Variants in COPG1 observed in about 807,000 individuals in gnomAD.
COPG1 encodes the protein coat protein complex I subunit gamma 1.
Under a neutral mutation model 102.8 loss-of-function variants are expected in COPG1, and 29 were observed. The observed-to-expected ratio is 0.28, with a 90% CI of 0.21 to 0.38. The LOEUF (loss-of-function observed/expected upper bound fraction) is 0.38. Ranked by LOEUF, COPG1 falls within the 10% of genes least tolerant of loss-of-function variation. The pLI is 1.00. For missense variants in COPG1, 875 were observed against 1,132.7 expected, an observed-to-expected ratio of 0.77 and a Z score of 3.27; for synonymous variants, 406 against 421.6, an observed-to-expected ratio of 0.96 and a Z score of 0.45.
intron 10 of COPG1, among the ~76,000 whole-genome samples, chr3:129,258,456 G>GT (rs970900072): frequency 4.5e-4 from 69 of 152,300 alleles, no homozygotes; most frequent in African/African-American, 1.6e-3. Context: ...GCCGTTTGCT[G>GT]TTTTTTGTTT....
intron 13 of COPG1, 40 bp from the exon 14 acceptor site, chr3:129,265,509 A>G: frequency 6.2e-7 from 1 of 1,606,180 alleles, no homozygotes; most frequent in Non-Finnish European, 8.5e-7. Flanking sequence ...TCTTTTCTGG[A>G]GAGAGCAGGC....
At chr3:129,262,863 A>T (rs1222953697) in intron 12 of COPG1, among the ~76,000 whole-genome samples, 1 of 151,794 alleles carries the variant, frequency 6.6e-6, no homozygotes, top group Admixed American at 6.6e-5. Context: ...TACTAAAAAA[A>T]TTAAAAAATT....
chr3:129,251,457 A>G (rs538164421), intron 2 of COPG1, among the ~76,000 whole-genome samples: 1 of 150,900 alleles, frequency 6.6e-6, no homozygotes, highest in African/African-American at 2.4e-5. Context: ...TCTCGGCTCA[A>G]CTGCAACCTC....
intron 14 of COPG1, among the ~76,000 whole-genome samples, chr3:129,266,377 C>T (rs191880030): frequency 6.1e-4 from 93 of 152,234 alleles, no homozygotes; most frequent in African/African-American, 2.0e-3. Flanking sequence ...TATCCTCCTG[C>T]CTCAGTCTCT....
rs4927953 is a variant in COPG1, at chr3:129,252,270, T to C, written c.91-11T>C. The C allele has an allele frequency of 0.12, 194,923 of 1,577,132 alleles. 19,285 individuals carry two copies. The highest frequency in any genetic ancestry group is 0.53 in the African/African-American group (39,003 of 73,680). On this transcript the variant is annotated splice_polypyrimidine_tract_variant and intron_variant, in intron 2 of 23. Transcript: ENST00000314797. ...GGCTAGAAGGTAACATCTTTGGTCA[T>C]TTCTTCTTAGGCCCGTGTATTTAAT... is the stretch of plus-strand genomic sequence containing the variant.
At chr3:129,259,402 A>G (rs1312423523) in intron 10 of COPG1, among the ~76,000 whole-genome samples, 4 of 149,720 alleles carry the variant, frequency 2.7e-5, no homozygotes, top group Admixed American at 6.7e-5. Flanking sequence ...TGGAGGTTGC[A>G]GTGAGCCGAG....
At chr3:129,259,795 C>T (rs1456187742) in intron 10 of COPG1, among the ~76,000 whole-genome samples, 3 of 152,136 alleles carry the variant, frequency 2.0e-5, no homozygotes, top group Non-Finnish European at 4.4e-5. Flanking sequence ...GGAAATAAAC[C>T]ATTTGTTTAA....
At chr3:129,253,590 A>G (rs888515488) in intron 5 of COPG1, among the ~76,000 whole-genome samples, 4 of 152,194 alleles carry the variant, frequency 2.6e-5, no homozygotes, top group African/African-American at 9.6e-5. Flanking sequence ...CGGAAGTATT[A>G]TGGGCTATGA....
At chr3:129,267,170 AT>A (rs113287178) in intron 15 of COPG1, 71 bp downstream of exon 15, 3,367 of 1,115,800 alleles carry the variant, frequency 3.0e-3, no homozygotes, top group East Asian at 3.4e-3. Context: ...CTTTGTCTTT[AT>A]TTTTTTTTAA....
chr3:129,261,604 A>G (rs575145278), intron 12 of COPG1, among the ~76,000 whole-genome samples: 1 of 151,526 alleles, frequency 6.6e-6, no homozygotes, highest in Admixed American at 6.6e-5. Context: ...GAGAAGTCCT[A>G]TGCACCCCTC....
chr3:129,262,752 G>A (rs1939950875), intron 12 of COPG1, among the ~76,000 whole-genome samples: 1 of 151,610 alleles, frequency 6.6e-6, no homozygotes, highest in African/African-American at 2.4e-5. Context: ...GGGCGCGGTG[G>A]CTTATGCCTG....
At chr3:129,260,841 A>G in intron 12 of COPG1, 34 bp downstream of exon 12, 1 of 1,601,964 alleles carries the variant, frequency 6.2e-7, no homozygotes, top group Non-Finnish European at 8.5e-7. Flanking sequence ...CACGGCCCCC[A>G]GAGGAAGGAG....
chr3:129,263,252 C>A (rs1016043375), intron 12 of COPG1, among the ~76,000 whole-genome samples: 2 of 151,874 alleles, frequency 1.3e-5, no homozygotes, highest in African/African-American at 2.4e-5. Context: ...GACAGTGGTG[C>A]TCTTGACTAG....
intron 2 of COPG1, among the ~76,000 whole-genome samples, chr3:129,251,483 A>G (rs1473707160): frequency 1.3e-5 from 2 of 151,244 alleles, no homozygotes; most frequent in African/African-American, 4.9e-5. Flanking sequence ...CCTGGGTTCA[A>G]GCAATTTTTC....
rs777024879 is a variant in COPG1, at chr3:129,277,325, G to T, written c.2526G>T (p.Val842=). Residue 842 remains valine, a synonymous_variant, in exon 24 of 24, where the codon GTG becomes GTT. Coordinates refer to ENST00000314797, the MANE Select transcript of COPG1 (RefSeq NM_016128.4). ...GVFRGGHDIL[V]RSRLLLLDTV... The stretch of plus-strand genomic sequence containing the variant: ...TCCGGGGTGGTCATGACATCCTGGT[G>T]CGCTCCCGGCTGCTGCTTTTGGACA... The T allele has an allele frequency of 4.0e-5, 64 of 1,613,842 alleles. No homozygotes were observed. The highest frequency in any genetic ancestry group is 1.6e-4 in the Middle Eastern group (1 of 6,066).
intron 21 of COPG1, among the ~76,000 whole-genome samples, chr3:129,273,313 C>T (rs1040708919): frequency 3.3e-5 from 5 of 152,192 alleles, no homozygotes; most frequent in Non-Finnish European, 7.3e-5. Flanking sequence ...CGTGAGCCAC[C>T]GCGCCCGGCC....
At chr3:129,270,511 A>G (rs913990950) in intron 18 of COPG1, among the ~76,000 whole-genome samples, 2 of 152,226 alleles carry the variant, frequency 1.3e-5, no homozygotes, top group African/African-American at 4.8e-5. Flanking sequence ...CTGAGTCCCA[A>G]GAAAATAAAT....
At position 129,268,939 on chromosome 3, in the gene COPG1, C is replaced by G. The variant is rs751633315; in HGVS notation, c.1782C>G (p.Thr594=). 6.2e-6 allele frequency: 10 copies of G among 1,614,098 alleles called. No individual in the cohort carries two copies. The highest frequency in any genetic ancestry group is 8.5e-6 in the Non-Finnish European group (10 of 1,179,982). Residue 594 remains threonine, a synonymous_variant, in exon 18 of 24, where the codon ACC becomes ACG. Coordinates refer to ENST00000314797, the MANE Select transcript of COPG1 (RefSeq NM_016128.4). ...APMAEQRTES[T]PITAVKQPEK... is the part of the protein sequence containing the mutation. ...TATAATTTGCTCCTGCAGAAAGTAC[C>G]CCCATCACAGCAGTCAAACAGCCTG...
Position 129,271,679 on chromosome 3 carries a change from T to C in COPG1, c.1844-88T>C. 3 of 1,536,944 alleles carry C rather than the reference T, an allele frequency of 2.0e-6. No individual in the cohort carries two copies. Among genetic ancestry groups the C allele is most frequent in the South Asian group, 1.2e-5 (1 of 82,404 alleles). On this transcript the variant is annotated intron_variant, in intron 18 of 23. Coordinates refer to ENST00000314797, the MANE Select transcript of COPG1 (RefSeq NM_016128.4). The surrounding 1 kb of genome is among the most constrained non-coding windows in gnomAD (Gnocchi z 4.7). ...CCATCTAAGGTAGGGTGGAACACCTTGAGAATGGTCATGGGAATTTATTAG... is the reference window on the plus strand; with the variant it reads ...CCATCTAAGGTAGGGTGGAACACCTCGAGAATGGTCATGGGAATTTATTAG...
Sources: allele counts gnomAD v4.1 joint callset (sites outside exome capture counted in the v4.1 genomes callset), GRCh38; gene constraint gnomAD v4.1.1; non-coding constraint Gnocchi (gnomAD v3.1); transcripts MANE v1.5; gene names NCBI Gene and HGNC (gene_info 2026-07-23, HGNC 2026-07-21).